CNGB3: variants seen among roughly 807,000 people sequenced by gnomAD.
The protein encoded by CNGB3 is cyclic nucleotide gated channel subunit beta 3.
Under a neutral mutation model 92.8 loss-of-function variants are expected in CNGB3, and 86 were observed. That is an observed-to-expected ratio of 0.93 (90% CI 0.78 to 1.11). The LOEUF (loss-of-function observed/expected upper bound fraction) is 1.11. Ranked by LOEUF, CNGB3 falls within the 50% of genes least tolerant of loss-of-function variation. The pLI is 0.00. For missense variants in CNGB3, 1,026 were observed against 956.8 expected (o/e 1.07, Z -0.95); for synonymous variants, 333 against 332.7 (o/e 1.00, Z -0.01).
chr8:86,597,713 G>T (rs1233535729), intron 15 of CNGB3, among the ~76,000 whole-genome samples: 1 of 152,186 alleles, frequency 6.6e-6, no homozygotes, highest in African/African-American at 2.4e-5. Context: ...AGGCGCAGTG[G>T]CTTGTACCTG....
At position 86,743,501 on chromosome 8, in the gene CNGB3, G is replaced by A; in HGVS notation, c.127C>T (p.Gln43Ter). 1 of 1,613,968 alleles carries A rather than the reference G, an allele frequency of 6.2e-7. No homozygotes were observed. The highest frequency in any genetic ancestry group is 8.5e-7 in the Non-Finnish European group (1 of 1,179,872). ...PSNQSQQTTA[Q>*]EENKGEEKSL... ...GCATAGGAATGTAGAGGACATACCT[G>A]TGCTGTGGTTTGCTGAGACTGATTA... Residue 43 changes from glutamine (Q) to a stop codon, truncating the protein, a stop_gained and splice_region_variant, in exon 1 of 18, where the codon CAG (glutamine) becomes TAG (stop). Transcript: ENST00000320005. LOFTEE classifies it high-confidence loss of function.
At chr8:86,582,418 A>G (rs961298489) in intron 15 of CNGB3, among the ~76,000 whole-genome samples, 3 of 151,456 alleles carry the variant, frequency 2.0e-5, no homozygotes, top group African/African-American at 7.3e-5. Context: ...ATGGCCTAGA[A>G]CTTTTCAAAA....
chr8:86,646,700 C>T (rs1483997951), intron 8 of CNGB3, among the ~76,000 whole-genome samples: 1 of 151,004 alleles, frequency 6.6e-6, no homozygotes, highest in East Asian at 1.9e-4. Flanking sequence ...TAGATAATTA[C>T]CTACAATTTA....
At chr8:86,643,958 C>A (rs2131594408) in intron 9 of CNGB3, 85 bp from the exon 10 acceptor site, 1 of 1,433,446 alleles carries the variant, frequency 7.0e-7, no homozygotes, top group South Asian at 1.2e-5. Context: ...CTTAAAGTCA[C>A]CAGCGAACCC....
intron 6 of CNGB3, chr8:86,660,000 C>G: frequency 2.9e-6 from 1 of 348,824 alleles, no homozygotes; most frequent in Non-Finnish European, 5.8e-6. Flanking sequence ...GGACCAATGT[C>G]AGCATCATGA....
At chr8:86,711,125 C>A (rs115362939) in intron 3 of CNGB3, among the ~76,000 whole-genome samples, 298 of 152,134 alleles carry the variant, frequency 2.0e-3, no homozygotes, top group African/African-American at 6.9e-3. Context: ...TCACTAGGCC[C>A]CCTTTTCCAT....
At chr8:86,689,074 C>T (rs943817633) in intron 3 of CNGB3, among the ~76,000 whole-genome samples, 7 of 150,832 alleles carry the variant, frequency 4.6e-5, no homozygotes, top group African/African-American at 1.7e-4. Context: ...GTTTAATTTC[C>T]ATGTGTGTAT....
At chr8:86,652,266 G>A (rs983115205) in intron 7 of CNGB3, among the ~76,000 whole-genome samples, 18 of 151,992 alleles carry the variant, frequency 1.2e-4, no homozygotes, top group African/African-American at 3.9e-4. Context: ...AATGGAGCTT[G>A]CAGGACTGGA....
At chr8:86,703,306 G>GA (rs1824589712) in intron 3 of CNGB3, among the ~76,000 whole-genome samples, 1 of 151,934 alleles carries the variant, frequency 6.6e-6, no homozygotes, top group African/African-American at 2.4e-5. Flanking sequence ...AGGTTAAAAT[G>GA]AAAAAAAGAG....
intron 6 of CNGB3, among the ~76,000 whole-genome samples, chr8:86,655,015 T>C (rs1280972531): frequency 6.6e-6 from 1 of 152,188 alleles, no homozygotes; most frequent in Non-Finnish European, 1.5e-5. Flanking sequence ...CAAACCTGAA[T>C]TCATCATCAT....
At chr8:86,674,965 G>C (rs1355134431) in intron 3 of CNGB3, among the ~76,000 whole-genome samples, 1 of 151,456 alleles carries the variant, frequency 6.6e-6, no homozygotes. Context: ...TGTTGTTGTT[G>C]TTGTTGTTGT....
intron 3 of CNGB3, among the ~76,000 whole-genome samples, chr8:86,704,639 G>A (rs1398682996): frequency 6.6e-6 from 1 of 152,072 alleles, no homozygotes; most frequent in African/African-American, 2.4e-5. Flanking sequence ...GTCCACCAAG[G>A]GACACTGAGA....
intron 3 of CNGB3, chr8:86,707,629 C>T (rs980760266): frequency 1.3e-5 from 2 of 152,206 alleles, no homozygotes; most frequent in African/African-American, 2.4e-5. Context: ...GCTTTTACCT[C>T]GGCATGAGAT....
intron 3 of CNGB3, among the ~76,000 whole-genome samples, chr8:86,694,539 C>T (rs1824405585): frequency 6.6e-6 from 1 of 151,034 alleles, no homozygotes; most frequent in African/African-American, 2.4e-5. Flanking sequence ...CCTCACTTCT[C>T]AGACGGGGTG....
chr8:86,632,396 T>C (rs1307537071), intron 11 of CNGB3, among the ~76,000 whole-genome samples: 2 of 152,116 alleles, frequency 1.3e-5, no homozygotes, highest in East Asian at 3.8e-4. Context: ...TTAAATGACC[T>C]CTGAAGTCAA....
In CNGB3 at chr8:86,670,974, G is replaced by C; in HGVS notation, c.463C>G (p.Leu155Val). 1 of 1,612,706 alleles carries C rather than the reference G, an allele frequency of 6.2e-7. No individual in the cohort carries two copies. The highest frequency in any genetic ancestry group is 8.5e-7 in the Non-Finnish European group (1 of 1,180,004). Residue 155 changes from leucine to valine, a missense_variant, in exon 4 of 18, where the codon CTC becomes GTC. Physicochemically the swap from Leu to Val is conservative, Grantham distance 32. Coordinates refer to ENST00000320005, the MANE Select transcript of CNGB3 (RefSeq NM_019098.5). ...LYKKKLVEGD[L>V]SSPEASPQTA... ...TGTGGGCTGGCTTCGGGTGAGGAGAGATCTCCCTCTACCAACTTTTTCTTG... is the reference window on the plus strand; with the variant it reads ...TGTGGGCTGGCTTCGGGTGAGGAGACATCTCCCTCTACCAACTTTTTCTTG...
At chr8:86,592,899 A>C (rs1822078050) in intron 15 of CNGB3, among the ~76,000 whole-genome samples, 1 of 152,210 alleles carries the variant, frequency 6.6e-6, no homozygotes. Context: ...ATTAGGAAAC[A>C]CTTTATTCCT....
chr8:86,633,348 C>A (rs563456201), intron 10 of CNGB3, among the ~76,000 whole-genome samples: 2 of 152,160 alleles, frequency 1.3e-5, no homozygotes, highest in Non-Finnish European at 2.9e-5. Flanking sequence ...CACATTATGT[C>A]CTTTTGGAAT....
At chr8:86,626,145 C>G in intron 12 of CNGB3, 65 bp from the exon 13 acceptor site, 2 of 1,285,720 alleles carry the variant, frequency 1.6e-6, no homozygotes, top group East Asian at 4.7e-5. Flanking sequence ...CACCAAGGTA[C>G]AAGTAGAAAA....
Sources: gnomAD v4.1 joint callset for allele counts (sites outside exome capture counted in the v4.1 genomes callset) on GRCh38, gnomAD v4.1.1 for gene constraint, MANE v1.5 for transcripts, NCBI Gene and HGNC (gene_info 2026-07-23, HGNC 2026-07-21) for gene names.